The following KCNK9 variants were observed in gnomAD, a reference collection of about 807,000 sequenced individuals.
KCNK9 encodes potassium channel subfamily K member 9.
A neutral mutation model predicts 10.8 loss-of-function variants in KCNK9; 1 was observed. The observed-to-expected ratio is 0.09, with a 90% CI of 0.03 to 0.44. The LOEUF (loss-of-function observed/expected upper bound fraction) is 0.44, where lower values mean the gene tolerates loss of function less well. KCNK9 is among the 20% of genes least tolerant of loss of function. The pLI, the probability that KCNK9 is intolerant of heterozygous loss-of-function variation, is 0.97. For missense variants in KCNK9, 303 were observed against 515.0 expected, an observed-to-expected ratio of 0.59 and a Z score of 3.98; for synonymous variants, 231 against 222.7, an observed-to-expected ratio of 1.04 and a Z score of -0.33.
intron 2 of KCNK9, among the ~76,000 whole-genome samples, chr8:139,604,171 T>A (rs1817434379): frequency 2.0e-5 from 3 of 152,138 alleles, no homozygotes; most frequent in African/African-American, 7.2e-5. Flanking sequence ...CTTCCCATCA[T>A]TTAGGTATTC....
chr8:139,609,246 A>ACCCC (rs1220786453), downstream of KCNK9, among the ~76,000 whole-genome samples: 362 of 97,900 alleles, frequency 3.7e-3, 5 homozygotes, highest in East Asian at 4.0e-3. Context: ...CTGCCCCCCC[A>ACCCC]CCCCCCCCCC....
intron 1 of KCNK9, among the ~76,000 whole-genome samples, chr8:139,631,511 G>C (rs969930730): frequency 2.0e-5 from 3 of 152,122 alleles, no homozygotes; most frequent in African/African-American, 7.2e-5. Flanking sequence ...CTGCAGGCTG[G>C]GCGCCCACAC....
At chr8:139,669,378 G>C (rs1816376645) in intron 1 of KCNK9, among the ~76,000 whole-genome samples, 1 of 152,186 alleles carries the variant, frequency 6.6e-6, no homozygotes, top group Non-Finnish European at 1.5e-5. Flanking sequence ...GCAGAAACTG[G>C]AGTCAGTCCT....
intron 1 of KCNK9, among the ~76,000 whole-genome samples, chr8:139,695,043 T>C (rs1460790129): frequency 3.9e-5 from 6 of 152,200 alleles, no homozygotes; most frequent in Non-Finnish European, 8.8e-5. Flanking sequence ...TCATCTTCCC[T>C]GCCATGAATT....
chr8:139,606,742 G>A (rs1464705391), intron 2 of KCNK9, among the ~76,000 whole-genome samples: 1 of 152,182 alleles, frequency 6.6e-6, no homozygotes, highest in Admixed American at 6.5e-5. Flanking sequence ...ACTCATCTTT[G>A]ATATCTCTGT....
intron 1 of KCNK9, among the ~76,000 whole-genome samples, chr8:139,691,035 C>A (rs1355571850): frequency 6.6e-6 from 1 of 152,218 alleles, no homozygotes; most frequent in Non-Finnish European, 1.5e-5. Context: ...ACTGCCTGAC[C>A]CACACCCATG....
intron 2 of KCNK9, among the ~76,000 whole-genome samples, chr8:139,602,279 G>T (rs1277707634): frequency 2.6e-5 from 4 of 152,244 alleles, no homozygotes; most frequent in African/African-American, 4.8e-5. Flanking sequence ...CAGGCATGCA[G>T]GATGGGTTGG....
At chr8:139,700,504 ACACACG>A (rs1360776667) in intron 1 of KCNK9, among the ~76,000 whole-genome samples, 5 of 135,240 alleles carry the variant, frequency 3.7e-5, no homozygotes, top group Non-Finnish European at 6.1e-5. Flanking sequence ...ACACACACAC[ACACACG>A]CGCGCGCGCG....
intron 1 of KCNK9, among the ~76,000 whole-genome samples, chr8:139,638,907 G>A (rs1386124236): frequency 6.6e-6 from 1 of 152,182 alleles, no homozygotes; most frequent in African/African-American, 2.4e-5. Flanking sequence ...TCTCTCTGGT[G>A]AGTTGCCCCT....
intron 1 of KCNK9, among the ~76,000 whole-genome samples, chr8:139,679,196 T>C (rs1816629495): frequency 1.3e-5 from 2 of 152,168 alleles, no homozygotes; most frequent in Admixed American, 6.5e-5. Flanking sequence ...TTCCAGCCAA[T>C]GACAGCCTAT....
chr8:139,650,663 G>A (rs772267021), intron 1 of KCNK9, among the ~76,000 whole-genome samples: 15 of 152,214 alleles, frequency 9.9e-5, no homozygotes, highest in Non-Finnish European at 1.9e-4. Flanking sequence ...GGCTGGTACT[G>A]AATCGGATAG....
At chr8:139,630,011 G>A (rs184892452) in intron 1 of KCNK9, among the ~76,000 whole-genome samples, 189 of 150,252 alleles carry the variant, frequency 1.3e-3, no homozygotes, top group African/African-American at 4.3e-3. Flanking sequence ...CCAGAACAGG[G>A]ACACCTATGG....
intron 2 of KCNK9, among the ~76,000 whole-genome samples, chr8:139,603,999 G>A (rs1817430090): frequency 6.6e-6 from 1 of 152,192 alleles, no homozygotes; most frequent in Non-Finnish European, 1.5e-5. Flanking sequence ...CAGCCTCCCT[G>A]AGCTCATGTG....
At chr8:139,645,731 A>G (rs1468991606) in intron 1 of KCNK9, among the ~76,000 whole-genome samples, 1 of 152,148 alleles carries the variant, frequency 6.6e-6, no homozygotes, top group African/African-American at 2.4e-5. Context: ...CCTGGAGCCA[A>G]TTAGCCATCC....
At chr8:139,611,034 C>A (rs1344191323), downstream of KCNK9, among the ~76,000 whole-genome samples, 1 of 152,234 alleles carries the variant, frequency 6.6e-6, no homozygotes, top group African/African-American at 2.4e-5. Context: ...TTTCCGAAAC[C>A]CATTTCCTCC....
intron 2 of KCNK9, among the ~76,000 whole-genome samples, chr8:139,607,223 T>C (rs558545339): frequency 1.3e-5 from 2 of 152,306 alleles, no homozygotes; most frequent in African/African-American, 4.8e-5. Flanking sequence ...TTGTTCTGGT[T>C]CCCATTCCTG....
intron 1 of KCNK9, among the ~76,000 whole-genome samples, chr8:139,644,848 G>C (rs1815626724): frequency 6.6e-6 from 1 of 151,998 alleles, no homozygotes; most frequent in Non-Finnish European, 1.5e-5. Context: ...GCGCACCTCT[G>C]CCAAGAGCCC....
intron 1 of KCNK9, among the ~76,000 whole-genome samples, chr8:139,691,903 G>C (rs779853095): frequency 6.6e-6 from 1 of 152,202 alleles, no homozygotes; most frequent in African/African-American, 2.4e-5. Context: ...GCTAGAGTTG[G>C]TCATAAGACA....
At chr8:139,657,966 T>C (rs921796432) in intron 1 of KCNK9, among the ~76,000 whole-genome samples, 2 of 152,096 alleles carry the variant, frequency 1.3e-5, no homozygotes, top group Non-Finnish European at 2.9e-5. Context: ...GCAGAGGAGA[T>C]GACATGGTAG....
Sources: gnomAD v4.1 joint callset for allele counts (sites outside exome capture counted in the v4.1 genomes callset) on GRCh38, gnomAD v4.1.1 for gene constraint, MANE v1.5 for transcripts, NCBI Gene and HGNC (gene_info 2026-07-23, HGNC 2026-07-21) for gene names.